Variants in ELMO1 observed in about 807,000 individuals in gnomAD.
ELMO1 encodes engulfment and cell motility protein 1.
A neutral mutation model predicts 98.9 loss-of-function variants in ELMO1; 26 were observed. The observed-to-expected ratio is 0.26, with a 90% CI of 0.19 to 0.36. The LOEUF (loss-of-function observed/expected upper bound fraction) is 0.36, where lower values mean the gene tolerates loss of function less well. Ranked by LOEUF, ELMO1 falls within the 10% of genes least tolerant of loss-of-function variation. The probability of loss-of-function intolerance (pLI) is 1.00; values close to 1 mark genes in which losing one functional copy is unlikely to be tolerated. For synonymous variants in ELMO1, 346 were observed against 346.0 expected (o/e 1.00, Z 0.00); for missense variants, 627 against 935.2 (o/e 0.67, Z 4.30).
intron 16 of ELMO1, among the ~76,000 whole-genome samples, chr7:36,926,732 A>G (rs923009409): frequency 1.3e-5 from 2 of 152,078 alleles, no homozygotes; most frequent in African/African-American, 4.8e-5. Context: ...AAGATCTGAT[A>G]CTCTGATGTT....
intron 1 of ELMO1, among the ~76,000 whole-genome samples, chr7:37,388,954 C>T (rs545610108): frequency 6.6e-6 from 1 of 152,220 alleles, no homozygotes; most frequent in African/African-American, 2.4e-5. Context: ...AAAATAAAAC[C>T]ACATAATTTC....
intron 17 of ELMO1, among the ~76,000 whole-genome samples, chr7:36,891,448 T>A (rs1166108879): frequency 1.3e-5 from 2 of 152,258 alleles, no homozygotes; most frequent in Admixed American, 6.5e-5. Flanking sequence ...ATCAGCTTTA[T>A]TCCTGGCTTT....
At chr7:36,955,571 G>A (rs1788376951) in intron 16 of ELMO1, among the ~76,000 whole-genome samples, 1 of 152,132 alleles carries the variant, frequency 6.6e-6, no homozygotes, top group African/African-American at 2.4e-5. Context: ...AAATATGAGT[G>A]TTCTCTGTAA....
chr7:36,945,908 A>C (rs753064151), intron 16 of ELMO1, among the ~76,000 whole-genome samples: 3 of 152,194 alleles, frequency 2.0e-5, no homozygotes, highest in African/African-American at 4.8e-5. Context: ...GGACTGTAGA[A>C]CCCAAGGAAG....
At chr7:37,039,977 T>A (rs1264452194) in intron 15 of ELMO1, among the ~76,000 whole-genome samples, 2 of 152,232 alleles carry the variant, frequency 1.3e-5, no homozygotes, top group Admixed American at 1.3e-4. Flanking sequence ...TTACATTGTA[T>A]TACAGTATAT....
chr7:37,005,057 C>T (rs1016867950), intron 16 of ELMO1, among the ~76,000 whole-genome samples: 1 of 133,438 alleles, frequency 7.5e-6, no homozygotes, highest in Non-Finnish European at 1.5e-5. Flanking sequence ...TGCGGTGAGC[C>T]GAGATCACGC....
chr7:37,380,512 C>T (rs1802538944), intron 1 of ELMO1, among the ~76,000 whole-genome samples: 1 of 152,122 alleles, frequency 6.6e-6, no homozygotes, highest in South Asian at 2.1e-4. Context: ...ACATGTGTTG[C>T]CCTGGCATAA....
intron 20 of ELMO1, among the ~76,000 whole-genome samples, chr7:36,862,550 C>T (rs1353763518): frequency 6.6e-6 from 1 of 152,242 alleles, no homozygotes; most frequent in East Asian, 1.9e-4. Flanking sequence ...TCAAACTGTA[C>T]ATGCTGTACC....
chr7:37,035,504 G>C (rs1433923825), intron 15 of ELMO1, among the ~76,000 whole-genome samples: 1 of 152,216 alleles, frequency 6.6e-6, no homozygotes, highest in East Asian at 1.9e-4. Context: ...TGCAGAAACA[G>C]CTTCCTGAAT....
chr7:37,174,555 A>T (rs1790394326), intron 13 of ELMO1, among the ~76,000 whole-genome samples: 1 of 152,180 alleles, frequency 6.6e-6, no homozygotes, highest in Non-Finnish European at 1.5e-5. Context: ...GGGCTATCTG[A>T]GGATGCATGT....
At chr7:37,407,507 C>CA (rs34117162) in intron 1 of ELMO1, among the ~76,000 whole-genome samples, 30,153 of 91,310 alleles carry the variant, frequency 0.33, 3,548 homozygotes, top group East Asian at 0.5. Flanking sequence ...AACTCCATCT[C>CA]AAAAAAAAAA....
chr7:36,861,958 C>G, intron 20 of ELMO1: 1 of 572,068 alleles, frequency 1.7e-6, no homozygotes, highest in Non-Finnish European at 3.2e-6. Flanking sequence ...AATTCGCATG[C>G]AGCCCATGTA....
At position 36,853,796 on chromosome 7, in the gene ELMO1, A is replaced by T. The variant is rs1802009901; in HGVS notation, c.*1755T>A. On this transcript the variant is annotated 3_prime_UTR_variant, in exon 22 of 22. Transcript: ENST00000310758. The stretch of plus-strand genomic sequence containing the variant: ...GCCACGCTTAATACTGCATGCTTGG[A>T]CCCTTCTGACATCCCTCCCAGTGCT... 6.6e-6 allele frequency among the ~76,000 whole-genome samples: 1 copy of T among 152,156 alleles called. No individual in the cohort carries two copies. The highest frequency in any genetic ancestry group is 2.4e-5 in the African/African-American group (1 of 41,442).
chr7:37,274,741 C>T (rs547065192), intron 4 of ELMO1, among the ~76,000 whole-genome samples: 2 of 152,126 alleles, frequency 1.3e-5, no homozygotes, highest in South Asian at 2.1e-4. Flanking sequence ...TTAGTAGAGG[C>T]GAGGTTTCAC....
At chr7:37,402,334 T>C (rs1803571607) in intron 1 of ELMO1, among the ~76,000 whole-genome samples, 2 of 152,182 alleles carry the variant, frequency 1.3e-5, no homozygotes, top group South Asian at 4.1e-4. Flanking sequence ...CTGGCCTCTA[T>C]GCAGCTAGAG....
At chr7:37,252,659 C>T (rs1022839474) in intron 6 of ELMO1, among the ~76,000 whole-genome samples, 17 of 152,124 alleles carry the variant, frequency 1.1e-4, no homozygotes, top group South Asian at 6.2e-4. Flanking sequence ...CCATTCAGGA[C>T]GCAGGTGTGG....
At chr7:37,380,939 T>A (rs1391416925) in intron 1 of ELMO1, among the ~76,000 whole-genome samples, 3 of 152,192 alleles carry the variant, frequency 2.0e-5, no homozygotes, top group African/African-American at 7.2e-5. Context: ...AGGGCCATTT[T>A]AAAAAGCTAA....
At chr7:36,922,907 T>C (rs76595176) in intron 16 of ELMO1, among the ~76,000 whole-genome samples, 2,750 of 152,316 alleles carry the variant, frequency 0.018, 94 homozygotes, top group Non-Finnish European at 0.022. Context: ...CCTGTCTTTC[T>C]TAAAGGTGAC....
chr7:36,904,301 T>C (rs1783798892), intron 16 of ELMO1, among the ~76,000 whole-genome samples: 1 of 152,222 alleles, frequency 6.6e-6, no homozygotes, highest in Non-Finnish European at 1.5e-5. Context: ...CAGATGGCAC[T>C]GAAGCAGTTG....
Sources: allele counts gnomAD v4.1 joint callset (sites outside exome capture counted in the v4.1 genomes callset), GRCh38; gene constraint gnomAD v4.1.1; transcripts MANE v1.5; gene names NCBI Gene and HGNC (gene_info 2026-07-23, HGNC 2026-07-21).